CD81: variants seen among roughly 807,000 people sequenced by gnomAD.
CD81 encodes CD81 molecule, also known as CD81 antigen.
Under a neutral mutation model 30.1 loss-of-function variants are expected in CD81, and 10 were observed. That is an observed-to-expected ratio of 0.33 (90% CI 0.21 to 0.56). CD81 has a LOEUF of 0.56. Among genes scored for constraint, CD81 ranks in the 20% least tolerant of loss-of-function variants. The probability of loss-of-function intolerance (pLI) is 0.89; values close to 1 mark genes in which losing one functional copy is unlikely to be tolerated. For missense variants in CD81, 263 were observed against 308.7 expected (o/e 0.85, Z 1.11); for synonymous variants, 147 against 126.4 (o/e 1.16, Z -1.10).
chr11:2,385,345 C>T (rs749660233), intron 1 of CD81, among the ~76,000 whole-genome samples: 21 of 152,182 alleles, frequency 1.4e-4, no homozygotes, highest in Non-Finnish European at 2.5e-4. Context: ...GCTTCCTGCC[C>T]CTCCTCCCCG....
In CD81 at chr11:2,378,781, C is replaced by T. The variant is rs1047157892; in HGVS notation, c.66+1166C>T. 6.6e-6 allele frequency among the ~76,000 whole-genome samples: 1 copy of T among 152,058 alleles called. No homozygotes were observed. Among genetic ancestry groups the T allele is most frequent in the Non-Finnish European group, 1.5e-5 (1 of 68,002 alleles). ...TGATGTCCCAGTGGACCGAGTGTTT[C>T]TCAAGTTGAGGCAGGGAGGGCAAAC... On this transcript the variant is annotated intron_variant, in intron 1 of 7. Transcript: ENST00000263645. The surrounding 1 kb of genome is among the most constrained non-coding windows in gnomAD (Gnocchi z 4.9).
intron 1 of CD81, chr11:2,386,722 C>T (rs926029631): frequency 1.2e-5 from 8 of 691,990 alleles, no homozygotes; most frequent in East Asian, 5.4e-5. Context: ...CTGGTAGCCT[C>T]GGGGACAGTT....
intron 2 of CD81, chr11:2,393,885 C>T (rs558113411): frequency 1.6e-4 from 111 of 697,894 alleles, no homozygotes; most frequent in African/African-American, 2.4e-4. Context: ...CCTTAGTCTC[C>T]GTCCTGTGTC....
intron 1 of CD81, among the ~76,000 whole-genome samples, chr11:2,388,562 C>T (rs1849839091): frequency 6.6e-6 from 1 of 152,222 alleles, no homozygotes; most frequent in Non-Finnish European, 1.5e-5. Context: ...GACCGGCAGC[C>T]CTGCATCTGT....
Position 2,377,627 on chromosome 11 carries a change from G to T in CD81, c.66+12G>T. ...ATTTCGTCTTCTGGGTAAGGGCTGC[G>T]CCGGGGGCCGGGGCGGGAGGGGGCA... On this transcript the variant is annotated intron_variant, in intron 1 of 7. Coordinates refer to ENST00000263645, the MANE Select transcript of CD81 (RefSeq NM_004356.4). The surrounding 1 kb of genome is among the most constrained non-coding windows in gnomAD (Gnocchi z 7.7). 1 of 1,521,750 alleles carries T rather than the reference G, an allele frequency of 6.6e-7. No individual in the cohort carries two copies. The highest frequency in any genetic ancestry group is 8.9e-7 in the Non-Finnish European group (1 of 1,124,132). The allele number at this position is 1,521,750 out of a possible 1,614,324, so 94.3% of individuals were successfully genotyped here.
At chr11:2,395,342 C>T (rs1265725938) in intron 4 of CD81, 74 bp from the exon 5 acceptor site, 24 of 1,238,484 alleles carry the variant, frequency 1.9e-5, no homozygotes, top group South Asian at 2.5e-5. Context: ...AAAGTGCGTC[C>T]GCCTGGGGCG....
At chr11:2,380,536 G>A (rs560398000) in intron 1 of CD81, among the ~76,000 whole-genome samples, 13 of 152,298 alleles carry the variant, frequency 8.5e-5, no homozygotes, top group African/African-American at 2.9e-4. Flanking sequence ...CGCCCTGACC[G>A]CTTTGGGGGC....
chr11:2,383,892 G>A (rs753496998), intron 1 of CD81, among the ~76,000 whole-genome samples: 37 of 152,212 alleles, frequency 2.4e-4, no homozygotes, highest in Non-Finnish European at 5.1e-4. Context: ...GCAGCTGTGG[G>A]GGTGTGTGTG....
At chr11:2,385,107 C>G (rs1423901246) in intron 1 of CD81, among the ~76,000 whole-genome samples, 5 of 152,160 alleles carry the variant, frequency 3.3e-5, no homozygotes, top group African/African-American at 1.2e-4. Flanking sequence ...AAGTTAGCGC[C>G]AAGATGGCAG....
At chr11:2,389,652 C>T (rs1205760548) in intron 1 of CD81, among the ~76,000 whole-genome samples, 1 of 152,158 alleles carries the variant, frequency 6.6e-6, no homozygotes, top group African/African-American at 2.4e-5. Flanking sequence ...TGCTGAGCGA[C>T]AGCGCTGGGC....
intron 1 of CD81, among the ~76,000 whole-genome samples, chr11:2,388,502 C>A (rs1010513426): frequency 6.6e-6 from 1 of 152,226 alleles, no homozygotes; most frequent in Non-Finnish European, 1.5e-5. Context: ...AGGAGTGGGG[C>A]TGTCCAGGTG....
intron 1 of CD81, chr11:2,385,949 G>T (rs1849790399): frequency 2.9e-6 from 2 of 684,576 alleles, no homozygotes; most frequent in South Asian, 3.1e-5. Flanking sequence ...TGTGGTGAAT[G>T]TGGGTTTCAC....
At position 2,394,036 on chromosome 11, in the gene CD81, C is replaced by T. The variant is rs138186781; in HGVS notation, c.182-59C>T. The T allele has an allele frequency of 7.5e-5, 101 of 1,345,260 alleles. No homozygotes were observed. In the East Asian group the frequency reaches 1.6e-3, roughly 21 times the overall value. The allele number at this position is 1,345,260 out of a possible 1,614,324, so 83.3% of individuals were successfully genotyped here. A position where few individuals can be genotyped will look rare whatever the true frequency, so the allele number is the denominator to read the frequency against. On this transcript the variant is annotated intron_variant, in intron 2 of 7. Coordinates refer to ENST00000263645, the MANE Select transcript of CD81 (RefSeq NM_004356.4). ...GGTGGGTTCGGCACCCAGGACCCTC[C>T]GGGGTCTTGGGCTGTGGCGAGTGTG...
At chr11:2,380,214 A>C (rs1472047735) in intron 1 of CD81, among the ~76,000 whole-genome samples, 1 of 152,134 alleles carries the variant, frequency 6.6e-6, no homozygotes, top group Non-Finnish European at 1.5e-5. Context: ...GGAACCCTGC[A>C]GGGTCCAGAA....
Position 2,396,998 on chromosome 11 carries a change from T to G in CD81, c.*132T>G. ...CTGCTACACGTAGCCTTTTTACTTT[T>G]GGGGTTTTGTTTTTGTTCTGAACTT... On this transcript the variant is annotated 3_prime_UTR_variant, in exon 8 of 8. Transcript: ENST00000263645. 3 of 900,932 alleles carry G rather than the reference T, an allele frequency of 3.3e-6. No homozygotes were observed. The highest frequency in any genetic ancestry group is 3.5e-6 in the Non-Finnish European group (2 of 571,372). The allele number at this position is 900,932 out of a possible 1,614,324, so 55.8% of individuals were successfully genotyped here.
chr11:2,389,778 C>G lies in CD81; in HGVS notation c.67-634C>G, dbSNP rs564159291. On this transcript the variant is annotated intron_variant, in intron 1 of 7. Transcript: ENST00000263645. ...GCAGGGATGTATCCCACAAACCCCG[C>G]AGGCCCTGGTGCCTACAGCTTGGCC... is the stretch of plus-strand genomic sequence containing the variant. Among the ~76,000 whole-genome samples the G allele has an allele frequency of 2.0e-5, 3 of 152,254 alleles. No individual in the cohort carries two copies. The East Asian group carries it at 5.8e-4, about 30-fold the overall frequency.
intron 1 of CD81, chr11:2,385,774 C>A: frequency 3.5e-6 from 2 of 576,370 alleles, no homozygotes; most frequent in Non-Finnish European, 6.6e-6. Context: ...CATGTGCAAG[C>A]CAGCGACGGA....
intron 1 of CD81, among the ~76,000 whole-genome samples, chr11:2,380,386 A>G (rs1377169365): frequency 6.6e-6 from 1 of 151,914 alleles, no homozygotes; most frequent in Non-Finnish European, 1.5e-5. Context: ...CCCAGGAAGG[A>G]GCCCACACAC....
chr11:2,396,877 C>G lies in CD81; in HGVS notation c.*11C>G. Reference sequence around the variant, plus strand: ...AGCTCCGTGTACTGAGGCCCCGCAGCTCTGGCCACAGGGACCTCTGCAGTG... The same window carrying G: ...AGCTCCGTGTACTGAGGCCCCGCAGGTCTGGCCACAGGGACCTCTGCAGTG... On this transcript the variant is annotated 3_prime_UTR_variant, in exon 8 of 8. Coordinates refer to ENST00000263645, the MANE Select transcript of CD81 (RefSeq NM_004356.4). 1.2e-6 allele frequency: 2 copies of G among 1,612,154 alleles called. No individual in the cohort carries two copies. The highest frequency in any genetic ancestry group is 1.7e-6 in the Non-Finnish European group (2 of 1,179,726).
Sources: allele counts gnomAD v4.1 joint callset (sites outside exome capture counted in the v4.1 genomes callset), GRCh38; gene constraint gnomAD v4.1.1; non-coding constraint Gnocchi (gnomAD v3.1); transcripts MANE v1.5; gene names NCBI Gene and HGNC (gene_info 2026-07-23, HGNC 2026-07-21).